Variants in TBC1D22B observed in about 807,000 individuals in gnomAD.
TBC1D22B encodes chromosome 6 open reading frame 197.
TBC1D22B carries 32 observed loss-of-function variants against 69.1 expected under a neutral mutation model. That is an observed-to-expected ratio of 0.46 (90% CI 0.35 to 0.62). TBC1D22B has a LOEUF of 0.62. TBC1D22B is among the 20% of genes least tolerant of loss of function. The probability of loss-of-function intolerance (pLI) is 0.00; values close to 1 mark genes in which losing one functional copy is unlikely to be tolerated. For missense variants in TBC1D22B, 462 were observed against 630.9 expected, an observed-to-expected ratio of 0.73 and a Z score of 2.87; for synonymous variants, 206 against 229.8, an observed-to-expected ratio of 0.90 and a Z score of 0.94.
At chr6:37,300,636 A>C (rs1020111912) in intron 8 of TBC1D22B, among the ~76,000 whole-genome samples, 1 of 152,170 alleles carries the variant, frequency 6.6e-6, no homozygotes, top group African/African-American at 2.4e-5. Context: ...CACCGGGATT[A>C]CAGGCATGAG....
chr6:37,298,989 G>A (rs1025225018), intron 8 of TBC1D22B, among the ~76,000 whole-genome samples: 1 of 152,122 alleles, frequency 6.6e-6, no homozygotes, highest in Non-Finnish European at 1.5e-5. Flanking sequence ...TGCCAAATAG[G>A]TACTACTGAA....
chr6:37,318,011 T>C (rs994910627), intron 12 of TBC1D22B, among the ~76,000 whole-genome samples: 2 of 152,184 alleles, frequency 1.3e-5, no homozygotes, highest in African/African-American at 4.8e-5. Flanking sequence ...GTAAGAACTT[T>C]GGCTTTTACT....
intron 8 of TBC1D22B, among the ~76,000 whole-genome samples, chr6:37,306,728 T>G (rs995584086): frequency 1.3e-5 from 2 of 152,234 alleles, no homozygotes; most frequent in African/African-American, 4.8e-5. Context: ...TCATGATACA[T>G]GTATACCCAT....
intron 8 of TBC1D22B, among the ~76,000 whole-genome samples, chr6:37,298,569 G>A (rs569849879): frequency 0.011 from 1,450 of 127,662 alleles, 23 homozygotes; most frequent in African/African-American, 0.042. Context: ...TTTTTGAGAC[G>A]GAGTCTTGCT....
chr6:37,313,125 C>T, intron 9 of TBC1D22B, 101 bp downstream of exon 9: 1 of 835,410 alleles, frequency 1.2e-6, no homozygotes, highest in Non-Finnish European at 2.0e-6. Context: ...CAGGACCACC[C>T]ACCCACCCAC....
chr6:37,300,341 A>AATT (rs1298559965), intron 8 of TBC1D22B, among the ~76,000 whole-genome samples: 2 of 151,090 alleles, frequency 1.3e-5, no homozygotes, highest in Admixed American at 6.6e-5. Context: ...AAAGTTGTTA[A>AATT]ATTATTATTA....
rs1297618919 is a variant in TBC1D22B, at chr6:37,284,329, T to C, written c.673-7T>C. On this transcript the variant is annotated splice_polypyrimidine_tract_variant and splice_region_variant and intron_variant, in intron 5 of 12. Transcript: ENST00000373491. ...TTTCCCCATCTGACCAGCAGTCTTGTCTATAGGGCTATCTCCCAGCAAACA... is the reference window on the plus strand; with the variant it reads ...TTTCCCCATCTGACCAGCAGTCTTGCCTATAGGGCTATCTCCCAGCAAACA... 6.2e-7 allele frequency: 1 copy of C among 1,614,170 alleles called. No individual in the cohort carries two copies.
intron 1 of TBC1D22B, among the ~76,000 whole-genome samples, chr6:37,267,667 G>T (rs1766352328): frequency 6.6e-6 from 1 of 151,200 alleles, no homozygotes; most frequent in Non-Finnish European, 1.5e-5. Flanking sequence ...GACAGTACCT[G>T]TTGGCTCCCT....
chr6:37,272,625 T>C (rs964200707), intron 2 of TBC1D22B, among the ~76,000 whole-genome samples: 3 of 152,182 alleles, frequency 2.0e-5, no homozygotes, highest in African/African-American at 7.2e-5. Context: ...CGGACTCAAG[T>C]GATCAGCCTG....
At chr6:37,313,060 A>G (rs1767967081) in intron 9 of TBC1D22B, 36 bp downstream of exon 9, 1 of 1,554,052 alleles carries the variant, frequency 6.4e-7, no homozygotes, top group South Asian at 1.1e-5. Context: ...ACAAACGTCT[A>G]GGTCCAGAGG....
intron 8 of TBC1D22B, among the ~76,000 whole-genome samples, chr6:37,309,223 G>A (rs1315984622): frequency 6.6e-6 from 1 of 152,200 alleles, no homozygotes; most frequent in African/African-American, 2.4e-5. Flanking sequence ...GACAGAGCCA[G>A]GACTTGAGCT....
chr6:37,317,697 T>C (rs1342176262), intron 12 of TBC1D22B, among the ~76,000 whole-genome samples: 1 of 151,954 alleles, frequency 6.6e-6, no homozygotes, highest in Non-Finnish European at 1.5e-5. Context: ...TTTTATTAGG[T>C]GGTAGAGAAG....
At chr6:37,292,401 TC>T (rs1043837668) in intron 8 of TBC1D22B, among the ~76,000 whole-genome samples, 21 of 152,156 alleles carry the variant, frequency 1.4e-4, no homozygotes, top group African/African-American at 4.1e-4. Context: ...ATGAGGTCTT[TC>T]ATGAGGCGAT....
At position 37,322,782 on chromosome 6, in the gene TBC1D22B, C is replaced by A. The variant is rs530489571; in HGVS notation, c.1389+5576C>A. 5.3e-5 allele frequency among the ~76,000 whole-genome samples: 8 copies of A among 152,248 alleles called. No individual in the cohort carries two copies. The South Asian group carries it at 1.7e-3, about 32-fold the overall frequency. On this transcript the variant is annotated intron_variant, in intron 12 of 12. Coordinates refer to ENST00000373491, the MANE Select transcript of TBC1D22B (RefSeq NM_017772.4). ...GTGATGAGGAAAGGCGTGACAAGCC[C>A]CCTGTGGTCAGTGCAGCACCACATA... is the stretch of plus-strand genomic sequence containing the variant.
chr6:37,259,343 T>C (rs2113963347), intron 1 of TBC1D22B, among the ~76,000 whole-genome samples: 2 of 152,342 alleles, frequency 1.3e-5, no homozygotes, highest in South Asian at 4.1e-4. Context: ...GCACACTTCC[T>C]GCCAACTGAT....
chr6:37,269,090 C>T (rs1766398980), intron 1 of TBC1D22B, among the ~76,000 whole-genome samples: 1 of 152,118 alleles, frequency 6.6e-6, no homozygotes, highest in Non-Finnish European at 1.5e-5. Flanking sequence ...TTAGGGTATG[C>T]ATATTTCATT....
chr6:37,272,463 G>A (rs868868453), intron 2 of TBC1D22B, among the ~76,000 whole-genome samples: 19 of 151,606 alleles, frequency 1.3e-4, no homozygotes, highest in African/African-American at 3.6e-4. Context: ...CTGGGCTGAA[G>A]CTGTCCTCCT....
intron 1 of TBC1D22B, among the ~76,000 whole-genome samples, chr6:37,259,251 T>C (rs1350252117): frequency 6.6e-6 from 1 of 152,202 alleles, no homozygotes; most frequent in African/African-American, 2.4e-5. Context: ...TAGAAAGGAA[T>C]GCAAAGATAA....
At chr6:37,267,218 A>G (rs1398093170) in intron 1 of TBC1D22B, among the ~76,000 whole-genome samples, 1 of 150,418 alleles carries the variant, frequency 6.6e-6, no homozygotes, top group African/African-American at 2.4e-5. Flanking sequence ...TACAGATGTG[A>G]GCTACCATGC....
Sources: allele counts gnomAD v4.1 joint callset (sites outside exome capture counted in the v4.1 genomes callset), GRCh38; gene constraint gnomAD v4.1.1; transcripts MANE v1.5; gene names NCBI Gene and HGNC (gene_info 2026-07-23, HGNC 2026-07-21).